Variants in ACOT12 observed in about 807,000 individuals in gnomAD.
ACOT12 encodes acyl-CoA thioesterase 12.
Under a neutral mutation model 67.7 loss-of-function variants are expected in ACOT12, and 51 were observed. The observed-to-expected ratio is 0.75, with a 90% CI of 0.60 to 0.95. The LOEUF is 0.95. ACOT12 is among the 40% of genes least tolerant of loss of function. The pLI is 0.00. For missense variants in ACOT12, 734 were observed against 708.1 expected, an observed-to-expected ratio of 1.04 and a Z score of -0.41; for synonymous variants, 251 against 244.6, an observed-to-expected ratio of 1.03 and a Z score of -0.24.
chr5:81,362,161 TTC>T (rs1277631352), intron 4 of ACOT12, among the ~76,000 whole-genome samples: 2 of 139,344 alleles, frequency 1.4e-5, no homozygotes, highest in African/African-American at 5.5e-5. Flanking sequence ...GACTATTATA[TTC>T]TTTTTTTTTT....
chr5:81,351,785 A>G (rs990780822), intron 5 of ACOT12, among the ~76,000 whole-genome samples: 3 of 152,240 alleles, frequency 2.0e-5, no homozygotes, highest in Non-Finnish European at 4.4e-5. Context: ...GCATCTGCAC[A>G]GCAAAGAAAA....
At chr5:81,324,266 A>C in the ACOT12 span, among the ~76,000 whole-genome samples, 1 of 152,170 alleles carries the variant, frequency 6.6e-6, no homozygotes. Context: ...AATCCAGATG[A>C]GAGAAGATAG....
At chr5:81,361,077 CAAAAAAAAAAAAAA>C (rs71000820) in intron 4 of ACOT12, among the ~76,000 whole-genome samples, 581 of 52,644 alleles carry the variant, frequency 0.011, 29 homozygotes, top group East Asian at 0.048. Flanking sequence ...GACTCCATCT[CAAAAAAAAAAAAAA>C]AAAAAAAAGA....
At chr5:81,324,395 G>A in the ACOT12 span, among the ~76,000 whole-genome samples, 2 of 152,162 alleles carry the variant, frequency 1.3e-5, no homozygotes, top group Non-Finnish European at 2.9e-5. Context: ...GGGGAAAGGT[G>A]GCAGAATTTG....
chr5:81,315,129 C>T, the ACOT12 span, among the ~76,000 whole-genome samples: 1 of 152,220 alleles, frequency 6.6e-6, no homozygotes, highest in African/African-American at 2.4e-5. Context: ...TTTTCACCTG[C>T]CTCCTGAATG....
At chr5:81,392,270 A>G (rs925565605) in intron 1 of ACOT12, among the ~76,000 whole-genome samples, 2 of 152,190 alleles carry the variant, frequency 1.3e-5, no homozygotes, top group Admixed American at 6.5e-5. Flanking sequence ...GTTTTATATT[A>G]CTACACAGAT....
At chr5:81,379,309 A>T (rs1760509149) in intron 2 of ACOT12, among the ~76,000 whole-genome samples, 1 of 137,646 alleles carries the variant, frequency 7.3e-6, no homozygotes, top group South Asian at 2.4e-4. Flanking sequence ...GGAGGGGAAC[A>T]TCACACACGG....
chr5:81,363,864 T>C lies in ACOT12; in HGVS notation c.284A>G (p.Asp95Gly). ...AAGCTTCTCAATGCCAGTGAGCATA[T>C]CCTGTACCATGACCTTGATACTGAT... The part of the protein sequence containing the change: ...MEISIKVMVQ[D>G]MLTGIEKLVS... Residue 95 changes from aspartate (D) to glycine (G), a missense_variant, in exon 4 of 15, where the codon GAT (aspartate) becomes GGT (glycine). Asp to Gly is a moderately conservative substitution (Grantham distance 94, BLOSUM62 -1). Transcript: ENST00000307624. 1 of 1,610,204 alleles carries C rather than the reference T, an allele frequency of 6.2e-7. No homozygotes were observed. The highest frequency in any genetic ancestry group is 8.5e-7 in the Non-Finnish European group (1 of 1,178,394).
In ACOT12 at chr5:81,363,805, G is replaced by A. The variant is rs201904509; in HGVS notation, c.343C>T (p.Pro115Ser). The A allele has an allele frequency of 3.7e-6, 6 of 1,608,514 alleles. No homozygotes were observed. The highest frequency in any genetic ancestry group is 2.7e-5 in the African/African-American group (2 of 74,678). The change falls in exon 4 of 15, where the codon CCA (proline) becomes TCA (serine). Residue 115 changes from proline (P) to serine (S), a missense_variant. By Grantham distance (74) the Pro-to-Ser change is moderately conservative. Coordinates refer to ENST00000307624, the MANE Select transcript of ACOT12 (RefSeq NM_130767.3). ...AAATTTACCTTTTCTTTTCCAACTGGTTTGGCTACAAATGTGGAGAAAGCC... is the reference window on the plus strand; with the variant it reads ...AAATTTACCTTTTCTTTTCCAACTGATTTGGCTACAAATGTGGAGAAAGCC... ...SVAFSTFVAK[P>S]VGKEKIHLKP...
rs1323894404 is a variant in ACOT12 at position 81,342,705 on chromosome 5, T to G, written c.1095A>C (p.Lys365Asn). 10 of 1,614,160 alleles carry G rather than the reference T, an allele frequency of 6.2e-6. No homozygotes were observed. The highest frequency in any genetic ancestry group is 1.3e-5 in the African/African-American group (1 of 75,050). ...CAGTGCTGGTAACCTCCCAACCCCT[T>G]TTGGCTGCCAGTTTTTTGAGGGCCT... ...NVEALKKLAAKRGWEVTSTVE... is the reference protein window; with the variant it reads ...NVEALKKLAANRGWEVTSTVE... The change falls in exon 11 of 15, where the codon AAA becomes AAC. Residue 365 changes from lysine to asparagine, a missense_variant. Transcript: ENST00000307624.
chr5:81,340,270 C>G (rs1270660826), intron 11 of ACOT12, among the ~76,000 whole-genome samples: 1 of 151,898 alleles, frequency 6.6e-6, no homozygotes, highest in South Asian at 2.1e-4. Flanking sequence ...CTCCTGACCT[C>G]AAGTGATCCA....
At chr5:81,346,551 T>C (rs1759387601) in intron 6 of ACOT12, among the ~76,000 whole-genome samples, 1 of 152,230 alleles carries the variant, frequency 6.6e-6, no homozygotes, top group Non-Finnish European at 1.5e-5. Flanking sequence ...CACTTTGAAA[T>C]AATTATATAT....
chr5:81,314,288 A>ATCT, the ACOT12 span, among the ~76,000 whole-genome samples: 1 of 152,068 alleles, frequency 6.6e-6, no homozygotes, highest in Non-Finnish European at 1.5e-5. Flanking sequence ...CATTTTTACT[A>ATCT]GAGATGGGGT....
intron 5 of ACOT12, among the ~76,000 whole-genome samples, chr5:81,349,824 T>G (rs756081549): frequency 6.6e-6 from 1 of 152,312 alleles, no homozygotes; most frequent in Admixed American, 6.5e-5. Context: ...GTCCTTACTC[T>G]CAACAGAATA....
chr5:81,342,010 A>G (rs1759210827), intron 11 of ACOT12, among the ~76,000 whole-genome samples: 1 of 151,870 alleles, frequency 6.6e-6, no homozygotes, highest in African/African-American at 2.4e-5. Flanking sequence ...TTTTTTTTAG[A>G]GACAGAGTCT....
chr5:81,385,868 T>C lies in ACOT12; in HGVS notation c.128-42A>G, dbSNP rs1487882667. ...AAAATGTGCTGCTTTAGTGGTGATA[T>C]GAGAATATTTCAGTATAAGGGAAAG... On this transcript the variant is annotated intron_variant, in intron 1 of 14. Transcript: ENST00000307624. 6.4e-6 allele frequency: 10 copies of C among 1,569,632 alleles called. No individual in the cohort carries two copies. In the African/African-American group the frequency reaches 8.1e-5, roughly 13 times the overall value.
At chr5:81,375,885 T>G (rs1760396401) in intron 2 of ACOT12, among the ~76,000 whole-genome samples, 1 of 152,082 alleles carries the variant, frequency 6.6e-6, no homozygotes, top group Admixed American at 6.5e-5. Context: ...CACACAATAA[T>G]AGTGGGAGAC....
chr5:81,375,636 G>A (rs559681960), intron 2 of ACOT12, among the ~76,000 whole-genome samples: 329 of 151,788 alleles, frequency 2.2e-3, no homozygotes, highest in African/African-American at 7.5e-3. Context: ...TAAAGGGATG[G>A]AGGAATATTT....
chr5:81,333,685 T>C (rs138393524), intron 12 of ACOT12, among the ~76,000 whole-genome samples: 10 of 152,300 alleles, frequency 6.6e-5, no homozygotes, highest in African/African-American at 2.4e-4. Flanking sequence ...ATCTACTAAA[T>C]TGATGCAAGA....
Sources: gnomAD v4.1 joint callset for allele counts (sites outside exome capture counted in the v4.1 genomes callset) on GRCh38, gnomAD v4.1.1 for gene constraint, MANE v1.5 for transcripts, NCBI Gene and HGNC (gene_info 2026-07-23, HGNC 2026-07-21) for gene names.